The following ADPRHL1 variants were observed in gnomAD, a reference collection of about 807,000 sequenced individuals.
ADPRHL1 encodes ADP-ribosylhydrolase like 1, also known as inactive ADP-ribosyltransferase ARH2.
ADPRHL1 carries 43 observed loss-of-function variants against 44.1 expected under a neutral mutation model. That is an observed-to-expected ratio of 0.98 (90% CI 0.76 to 1.26). The LOEUF (loss-of-function observed/expected upper bound fraction) is 1.26. Ranked by LOEUF, ADPRHL1 falls within the 50% of genes most tolerant of loss-of-function variation. The pLI, the probability that ADPRHL1 is intolerant of heterozygous loss-of-function variation, is 0.00. For missense variants in ADPRHL1, 2,022 were observed against 2,496.9 expected (o/e 0.81, Z 4.05); for synonymous variants, 878 against 1,017.4 (o/e 0.86, Z 2.61).
rs543777975 is a variant in ADPRHL1, at chr13:113,412,467, C to T, written c.1062-4247G>A. Reference sequence around the variant, plus strand: ...TGCTGGGATGACAGGCGTGAGCCACCGCGCCCAGCCACAGCTCTATAATTT... The same window carrying T: ...TGCTGGGATGACAGGCGTGAGCCACTGCGCCCAGCCACAGCTCTATAATTT... On this transcript the variant is annotated intron_variant, in intron 7 of 7. Coordinates refer to ENST00000612156, the MANE Select transcript of ADPRHL1 (RefSeq NM_001394807.1). Among the ~76,000 whole-genome samples the T allele has an allele frequency of 6.6e-5, 10 of 152,374 alleles. No individual in the cohort carries two copies. In the South Asian group the frequency reaches 1.9e-3, roughly 28 times the overall value.
Position 113,400,203 on chromosome 13 carries a change from T to G in ADPRHL1, c.*3175A>C, listed in dbSNP as rs55896297. On this transcript the variant is annotated 3_prime_UTR_variant, in exon 8 of 8. Coordinates refer to ENST00000612156, the MANE Select transcript of ADPRHL1 (RefSeq NM_001394807.1). ...CTCTGTCACCCAGGCTGGAGTGCAG[T>G]GGCGCAATCTCGGCTCACTGCAAGC... 1.4e-5 allele frequency: 2 copies of G among 147,662 alleles called. No homozygotes were observed. The highest frequency in any genetic ancestry group is 5.0e-5 in the African/African-American group (2 of 40,004). 9.1% of individuals were successfully genotyped at this position (147,662 alleles called of 1,614,324 possible). A position where few individuals can be genotyped will look rare whatever the true frequency, so the allele number is the denominator to read the frequency against.
In ADPRHL1 at chr13:113,405,953, G is replaced by T; in HGVS notation, c.3329C>A (p.Ala1110Asp). Residue 1110 changes from alanine (A) to aspartate (D), a missense_variant, in exon 8 of 8, where the codon GCC (alanine) becomes GAC (aspartate). Physicochemically the swap from Ala to Asp is moderately radical, Grantham distance 126. Around this residue, in one of 8 missense-constraint regions of ADPRHL1, gnomAD observed 1,221 missense variants for 1,517.8 expected, o/e 0.80. Coordinates refer to ENST00000612156, the MANE Select transcript of ADPRHL1 (RefSeq NM_001394807.1). ...CCCTGCAGCTGCCATCGCCCCACAG[G>T]CTTTCATACCTGGTTTGGGTGGTTC... Reference protein sequence around the residue: ...LNEPPKPGMKACGAMAAAGSV... With the variant: ...LNEPPKPGMKDCGAMAAAGSV... 1 of 1,232,074 alleles carries T rather than the reference G, an allele frequency of 8.1e-7. No individual in the cohort carries two copies. The highest frequency in any genetic ancestry group is 4.1e-5 in the South Asian group (1 of 24,322). 76.3% of individuals were successfully genotyped at this position (1,232,074 alleles called of 1,614,324 possible). A position where few individuals can be genotyped will look rare whatever the true frequency, so the allele number is the denominator to read the frequency against.
At chr13:113,448,872 G>GAGGA in intron 1 of ADPRHL1, 1 of 887,644 alleles carries the variant, frequency 1.1e-6, no homozygotes, top group African/African-American at 1.8e-5. Flanking sequence ...CCCTGGGAGG[G>GAGGA]AAGCCACTTC....
At chr13:113,417,908 G>C (rs1459377181) in intron 7 of ADPRHL1, among the ~76,000 whole-genome samples, 1 of 152,218 alleles carries the variant, frequency 6.6e-6, no homozygotes, top group Non-Finnish European at 1.5e-5. Flanking sequence ...TTAAAGCACA[G>C]ATGTTTGGAT....
At chr13:113,449,841 A>C (rs928106191) in intron 1 of ADPRHL1, among the ~76,000 whole-genome samples, 2 of 152,144 alleles carry the variant, frequency 1.3e-5, no homozygotes, top group East Asian at 1.9e-4. Flanking sequence ...CCGTGATCTC[A>C]GCAGTCAGGG....
At chr13:113,434,563 T>C (rs12875792) in intron 2 of ADPRHL1, among the ~76,000 whole-genome samples, 30 of 118,830 alleles carry the variant, frequency 2.5e-4, no homozygotes, top group South Asian at 5.9e-4. Context: ...GGCACCCAGG[T>C]GTAGAGTGAA....
Position 113,429,074 on chromosome 13 carries a change from C to A in ADPRHL1, c.524G>T (p.Cys175Phe). Residue 175 changes from cysteine (C) to phenylalanine (F), a missense_variant, in exon 4 of 8, where the codon TGC (cysteine) becomes TTC (phenylalanine). By Grantham distance (205) the Cys-to-Phe change is radical (BLOSUM62 -2). This residue lies in a region of ADPRHL1 where 437 missense variants were observed against 430.7 expected (regional missense o/e 1.01). Coordinates refer to ENST00000612156, the MANE Select transcript of ADPRHL1 (RefSeq NM_001394807.1). Reference sequence around the variant, plus strand: ...GGCGAACGACACAAACAGGGCCGTGCACAGGGAGCCCAGGAAGCCTGGAGG... The same window carrying A: ...GGCGAACGACACAAACAGGGCCGTGAACAGGGAGCCCAGGAAGCCTGGAGG... ...NHPTGFLGSL[C>F]TALFVSFAAQ... 1 of 1,611,372 alleles carries A rather than the reference C, an allele frequency of 6.2e-7. No homozygotes were observed. Among genetic ancestry groups the A allele is most frequent in the Non-Finnish European group, 8.5e-7 (1 of 1,179,462 alleles).
rs553353989 is a variant in ADPRHL1, at chr13:113,450,915, A to G, written c.214+2309T>C. Among the ~76,000 whole-genome samples the G allele has an allele frequency of 1.5e-3, 225 of 151,924 alleles. 2 individuals carry two copies. The East Asian group carries it at 0.015, about 10-fold the overall frequency. ...TGTCAGGCCCTCCACAAGAGGTGGAAGAGCAGTCTTCTCTAAACTCCCCTG... is the reference window on the plus strand; with the variant it reads ...TGTCAGGCCCTCCACAAGAGGTGGAGGAGCAGTCTTCTCTAAACTCCCCTG... On this transcript the variant is annotated intron_variant, in intron 1 of 7. Transcript: ENST00000612156.
chr13:113,434,783 A>C (rs2044036803), intron 2 of ADPRHL1, among the ~76,000 whole-genome samples: 1 of 102,404 alleles, frequency 9.8e-6, no homozygotes, highest in Non-Finnish European at 2.0e-5. Flanking sequence ...CGTAGAGTGA[A>C]CATAGGTGTA....
At chr13:113,451,699 T>A (rs1285712376) in intron 1 of ADPRHL1, among the ~76,000 whole-genome samples, 1 of 152,078 alleles carries the variant, frequency 6.6e-6, no homozygotes, top group Non-Finnish European at 1.5e-5. Flanking sequence ...CCCCAGCTAC[T>A]CAGGAGGCTG....
rs2043817057 is a variant in ADPRHL1, at chr13:113,407,413, G to A, written c.1869C>T (p.Ile623=). Residue 623 remains isoleucine (I), a synonymous_variant, in exon 8 of 8, where the codon ATC becomes ATT. Coordinates refer to ENST00000612156, the MANE Select transcript of ADPRHL1 (RefSeq NM_001394807.1). ...CTAEPLPALS[I]ATVVCGPRSW... is the part of the protein sequence containing the mutation. ...TCCTGGGGCCACAGACGACGGTGGC[G>A]ATGCTGAGGGCCGGCAGGGGCTCAG... is the stretch of plus-strand genomic sequence containing the variant. 11 of 1,231,884 alleles carry A rather than the reference G, an allele frequency of 8.9e-6. No homozygotes were observed. Among genetic ancestry groups the A allele is most frequent in the Middle Eastern group, 3.1e-4 (1 of 3,210 alleles). The allele number at this position is 1,231,884 out of a possible 1,614,324, so 76.3% of individuals were successfully genotyped here. A position where few individuals can be genotyped will look rare whatever the true frequency, so the allele number is the denominator to read the frequency against.
Position 113,444,484 on chromosome 13 carries a change from C to T in ADPRHL1, c.320G>A (p.Cys107Tyr). Residue 107 changes from cysteine to tyrosine, a missense_variant, in exon 2 of 8, where the codon TGT becomes TAT. By Grantham distance (194) the Cys-to-Tyr change is radical. This residue lies in a region of ADPRHL1 where 437 missense variants were observed against 430.7 expected (regional missense o/e 1.01). Coordinates refer to ENST00000612156, the MANE Select transcript of ADPRHL1 (RefSeq NM_001394807.1). ...GTAGTTATTGGGCTTTAGCTGAGCA[C>T]AGCCTTCAATGGTAGCTGGGTCTGG... ...RRPDPATIEGCAQLKPNNYLL... is the reference protein window; with the variant it reads ...RRPDPATIEGYAQLKPNNYLL... The T allele has an allele frequency of 6.2e-7, 1 of 1,614,198 alleles. No homozygotes were observed. The highest frequency in any genetic ancestry group is 8.5e-7 in the Non-Finnish European group (1 of 1,180,036).
intron 2 of ADPRHL1, among the ~76,000 whole-genome samples, chr13:113,444,201 G>A (rs889912460): frequency 2.3e-4 from 34 of 150,686 alleles, no homozygotes; most frequent in Middle Eastern, 3.4e-3. Context: ...AGATGCCCGC[G>A]CTTGCCGGGC....
intron 2 of ADPRHL1, among the ~76,000 whole-genome samples, chr13:113,436,410 G>A (rs1215525217): frequency 9.5e-5 from 1 of 10,556 alleles, no homozygotes; most frequent in Non-Finnish European, 1.9e-4. Flanking sequence ...CAGCACCCAG[G>A]TGTAGGGTGA....
In ADPRHL1 at chr13:113,409,169, G is replaced by A. The variant is rs1488753237; in HGVS notation, c.1062-949C>T. On this transcript the variant is annotated intron_variant, in intron 7 of 7. Coordinates refer to ENST00000612156, the MANE Select transcript of ADPRHL1 (RefSeq NM_001394807.1). The surrounding 1 kb of genome is among the most constrained non-coding windows in gnomAD (Gnocchi z 4.2). ...GGACCAAATGGGTCTTGGCTGGAGA[G>A]ACAGGGTCTTTGTGATTTGATGGTG... 6.6e-6 allele frequency among the ~76,000 whole-genome samples: 1 copy of A among 152,192 alleles called. No homozygotes were observed. The highest frequency in any genetic ancestry group is 1.5e-5 in the Non-Finnish European group (1 of 68,040).
chr13:113,413,992 CCT>C (rs2139605806), intron 7 of ADPRHL1, among the ~76,000 whole-genome samples: 1 of 152,370 alleles, frequency 6.6e-6, no homozygotes, highest in South Asian at 2.1e-4. Context: ...GACAGCAGCC[CCT>C]GTTGGCAGGT....
chr13:113,427,335 C>T (rs568831691), intron 4 of ADPRHL1, among the ~76,000 whole-genome samples: 9 of 152,142 alleles, frequency 5.9e-5, no homozygotes, highest in Non-Finnish European at 1.0e-4. Context: ...TGGGTCAGGG[C>T]GACTCTCCTG....
chr13:113,444,143 G>A (rs1285221444), intron 2 of ADPRHL1, among the ~76,000 whole-genome samples: 1 of 151,814 alleles, frequency 6.6e-6, no homozygotes, highest in Non-Finnish European at 1.5e-5. Context: ...ACAGACGCCC[G>A]CACTGGCCAG....
Position 113,404,233 on chromosome 13 carries a change from C to T in ADPRHL1, c.5049G>A (p.Gly1683=). 1.6e-6 allele frequency: 2 copies of T among 1,282,836 alleles called. No individual in the cohort carries two copies. Among genetic ancestry groups the T allele is most frequent in the Non-Finnish European group, 2.0e-6 (2 of 1,020,166 alleles). The allele number at this position is 1,282,836 out of a possible 1,614,324, so 79.5% of individuals were successfully genotyped here. A position where few individuals can be genotyped will look rare whatever the true frequency, so the allele number is the denominator to read the frequency against. The change falls in exon 8 of 8, where the codon GGG becomes GGA. Residue 1683 remains glycine (G), a synonymous_variant. Transcript: ENST00000612156. ...QERAREQAQK[G]AQERAREQAQ... Reference sequence around the variant, plus strand: ...CCTGTTCCCGAGCCCGTTCCTGAGCCCCTTTCTGGGCCTGTTCCCGAGCCC... The same window carrying T: ...CCTGTTCCCGAGCCCGTTCCTGAGCTCCTTTCTGGGCCTGTTCCCGAGCCC...
Sources: allele counts gnomAD v4.1 joint callset (sites outside exome capture counted in the v4.1 genomes callset), GRCh38; gene constraint gnomAD v4.1.1; regional missense constraint gnomAD v4.1.1; non-coding constraint Gnocchi (gnomAD v3.1); transcripts MANE v1.5; gene names NCBI Gene and HGNC (gene_info 2026-07-23, HGNC 2026-07-21).